SPAG16: variants seen among roughly 807,000 people sequenced by gnomAD.
SPAG16 encodes the protein sperm associated antigen 16.
SPAG16 carries 86 observed loss-of-function variants against 80.4 expected under a neutral mutation model. The observed-to-expected ratio is 1.07, with a 90% CI of 0.90 to 1.28. SPAG16 has a LOEUF of 1.28. SPAG16 is among the 50% of genes most tolerant of loss of function. SPAG16 has a pLI of 0.00. For synonymous variants in SPAG16, 294 were observed against 265.9 expected, an observed-to-expected ratio of 1.11 and a Z score of -1.03; for missense variants, 870 against 765.3, an observed-to-expected ratio of 1.14 and a Z score of -1.61.
At chr2:213,998,634 T>G (rs1341470962) in intron 12 of SPAG16, among the ~76,000 whole-genome samples, 1 of 152,130 alleles carries the variant, frequency 6.6e-6, no homozygotes, top group Non-Finnish European at 1.5e-5. Context: ...TGGCAGCAAC[T>G]TTGGAACTGG....
intron 10 of SPAG16, among the ~76,000 whole-genome samples, chr2:213,689,528 C>CTTT (rs397873153): frequency 3.3e-4 from 18 of 54,240 alleles, no homozygotes; most frequent in Admixed American, 4.8e-4. Flanking sequence ...AGTGCTGGGG[C>CTTT]TTTTTTTTTT....
chr2:213,821,646 C>G (rs1575237711), intron 10 of SPAG16, among the ~76,000 whole-genome samples: 1 of 152,014 alleles, frequency 6.6e-6, no homozygotes, highest in African/African-American at 2.4e-5. Flanking sequence ...AATATGAAAT[C>G]CTATTCTTTA....
intron 15 of SPAG16, among the ~76,000 whole-genome samples, chr2:214,207,518 G>T (rs534289554): frequency 6.6e-6 from 1 of 152,160 alleles, no homozygotes; most frequent in East Asian, 1.9e-4. Context: ...CAAATATCAG[G>T]CCCCAAAAGG....
chr2:213,942,973 G>T lies in SPAG16; in HGVS notation c.1400+12828G>T, dbSNP rs145539717. On this transcript the variant is annotated intron_variant, in intron 12 of 15. Transcript: ENST00000331683. ...AGATTAGTGCCCTTATATAGGAAGGGACAAGAGACCTTACTTTCTTTGTTG... is the reference window on the plus strand; with the variant it reads ...AGATTAGTGCCCTTATATAGGAAGGTACAAGAGACCTTACTTTCTTTGTTG... Among the ~76,000 whole-genome samples, 381 of 152,218 alleles carry T rather than the reference G, an allele frequency of 2.5e-3. 1 individual carries two copies. The highest frequency in any genetic ancestry group is 7.1e-3 in the African/African-American group (294 of 41,548).
At chr2:213,712,789 A>G (rs2066057430) in intron 10 of SPAG16, among the ~76,000 whole-genome samples, 1 of 152,186 alleles carries the variant, frequency 6.6e-6, no homozygotes, top group Non-Finnish European at 1.5e-5. Context: ...ATAAAATAAA[A>G]ATAAGCATCT....
At chr2:214,038,514 G>C (rs1458700956) in intron 13 of SPAG16, among the ~76,000 whole-genome samples, 1 of 151,798 alleles carries the variant, frequency 6.6e-6, no homozygotes, top group East Asian at 1.9e-4. Context: ...TTGTAATACT[G>C]CTGAAATTTC....
At position 213,643,767 on chromosome 2, in the gene SPAG16, C is replaced by CTTTTT. The variant is rs71063764; in HGVS notation, c.1070+153702_1070+153706dup. On this transcript the variant is annotated intron_variant, in intron 10 of 15. Coordinates refer to ENST00000331683, the MANE Select transcript of SPAG16 (RefSeq NM_024532.5). ...TAGCCTGTCTTCAAGCTCACTACTTCTTTTTTTTTTTTTTTTTTTTTTTTT... is the reference window on the plus strand; with the variant it reads ...TAGCCTGTCTTCAAGCTCACTACTTCTTTTTTTTTTTTTTTTTTTTTTTTTTTTTT... Among the ~76,000 whole-genome samples the CTTTTT allele has an allele frequency of 1.6e-3, 85 of 52,034 alleles. 11 individuals carry two copies. Among genetic ancestry groups the CTTTTT allele is most frequent in the African/African-American group, 5.5e-3 (65 of 11,726 alleles). 34.1% of individuals were successfully genotyped at this position (52,034 alleles called of 152,430 possible).
chr2:213,880,967 G>A (rs781771353), intron 11 of SPAG16, among the ~76,000 whole-genome samples: 5 of 151,954 alleles, frequency 3.3e-5, no homozygotes, highest in Non-Finnish European at 5.9e-5. Context: ...TTTTGGTTCC[G>A]CATGAATTTT....
rs1038950218 is a variant in SPAG16 at position 214,248,266 on chromosome 2, T to A, written c.1720+99000T>A. On this transcript the variant is annotated intron_variant, in intron 15 of 15. Coordinates refer to ENST00000331683, the MANE Select transcript of SPAG16 (RefSeq NM_024532.5). ...CCAGAAATATTTACTGAATACCTGCTATGTGCTGGGTACTATTCTTATATT... is the reference window on the plus strand; with the variant it reads ...CCAGAAATATTTACTGAATACCTGCAATGTGCTGGGTACTATTCTTATATT... Among the ~76,000 whole-genome samples the A allele has an allele frequency of 1.0e-4, 15 of 149,822 alleles. No homozygotes were observed. In the Admixed American group the frequency reaches 1.0e-3, roughly 10 times the overall value.
intron 10 of SPAG16, among the ~76,000 whole-genome samples, chr2:213,556,204 A>G (rs1308556427): frequency 6.6e-6 from 1 of 151,804 alleles, no homozygotes; most frequent in East Asian, 1.9e-4. Context: ...AACAATAACA[A>G]AATGGCAGTA....
At chr2:214,030,531 G>A (rs1291612570) in intron 13 of SPAG16, among the ~76,000 whole-genome samples, 3 of 152,098 alleles carry the variant, frequency 2.0e-5, no homozygotes, top group Admixed American at 6.6e-5. Flanking sequence ...GTATAAAGAG[G>A]TCCTGGATTT....
intron 15 of SPAG16, among the ~76,000 whole-genome samples, chr2:214,275,256 T>G (rs1317099882): frequency 6.6e-6 from 1 of 152,204 alleles, no homozygotes; most frequent in Non-Finnish European, 1.5e-5. Context: ...AGCTGCTAGA[T>G]TCATTAATTT....
intron 9 of SPAG16, among the ~76,000 whole-genome samples, chr2:213,450,615 T>C (rs1559145305): frequency 6.6e-6 from 1 of 152,178 alleles, no homozygotes; most frequent in Non-Finnish European, 1.5e-5. Flanking sequence ...GCTGATCTAT[T>C]TTTTGGAAGT....
At chr2:213,687,038 C>T (rs911000208) in intron 10 of SPAG16, among the ~76,000 whole-genome samples, 1 of 151,944 alleles carries the variant, frequency 6.6e-6, no homozygotes, top group Non-Finnish European at 1.5e-5. Flanking sequence ...TGTAATTTTT[C>T]CCTTTTTTCC....
intron 10 of SPAG16, among the ~76,000 whole-genome samples, chr2:213,633,723 A>G (rs1162960310): frequency 6.6e-6 from 1 of 152,158 alleles, no homozygotes; most frequent in Non-Finnish European, 1.5e-5. Context: ...GTGCATATAT[A>G]TTTAACATTG....
intron 13 of SPAG16, among the ~76,000 whole-genome samples, chr2:214,073,096 A>G (rs2050876867): frequency 6.6e-6 from 1 of 152,172 alleles, no homozygotes. Flanking sequence ...ACTTGTAACA[A>G]ACAACTAGAA....
chr2:214,045,048 G>C (rs937735180), intron 13 of SPAG16, among the ~76,000 whole-genome samples: 29 of 152,196 alleles, frequency 1.9e-4, no homozygotes, highest in African/African-American at 7.0e-4. Flanking sequence ...GACCTACTGA[G>C]ACACCAGTCA....
At chr2:214,161,155 G>A (rs1168576000) in intron 15 of SPAG16, among the ~76,000 whole-genome samples, 1 of 152,078 alleles carries the variant, frequency 6.6e-6, no homozygotes, top group African/African-American at 2.4e-5. Flanking sequence ...TGGCTGCATA[G>A]TATTCCATGG....
chr2:213,757,581 C>T (rs1408960336), intron 10 of SPAG16, among the ~76,000 whole-genome samples: 1 of 152,164 alleles, frequency 6.6e-6, no homozygotes, highest in Non-Finnish European at 1.5e-5. Flanking sequence ...TGATATATAA[C>T]TATTTTGGAT....
Sources: allele counts gnomAD v4.1 joint callset (sites outside exome capture counted in the v4.1 genomes callset), GRCh38; gene constraint gnomAD v4.1.1; transcripts MANE v1.5; gene names NCBI Gene and HGNC (gene_info 2026-07-23, HGNC 2026-07-21).